Variants in SLC4A5 observed in about 807,000 individuals in gnomAD.
SLC4A5 encodes the protein electrogenic sodium bicarbonate cotransporter 4.
In SLC4A5, 96 loss-of-function variants were observed where a neutral mutation model predicts 120.4. The ratio of observed to expected loss-of-function variants is 0.80; its 90% CI spans 0.68 to 0.94. The LOEUF (loss-of-function observed/expected upper bound fraction) is 0.94, where lower values mean the gene tolerates loss of function less well. Ranked by LOEUF, SLC4A5 falls within the 40% of genes least tolerant of loss-of-function variation. SLC4A5 has a pLI of 0.00. For missense variants in SLC4A5, 1,259 were observed against 1,459.5 expected (o/e 0.86, Z 2.24); for synonymous variants, 550 against 571.1 (o/e 0.96, Z 0.53).
chr2:74,242,287 C>T (rs1457503066), intron 19 of SLC4A5, among the ~76,000 whole-genome samples: 5 of 152,168 alleles, frequency 3.3e-5, no homozygotes, highest in Non-Finnish European at 7.3e-5. Context: ...TGCCTGACCA[C>T]GAACAGCTGG....
chr2:74,224,858 G>T lies in SLC4A5; in HGVS notation c.3228C>A (p.His1076Gln). ...TCCCCACCTCCTCATCACAGTCCTCGTGGGCCCCTTTTTTTCTCTTCCTCT... is the reference window on the plus strand; with the variant it reads ...TCCCCACCTCCTCATCACAGTCCTCTTGGGCCCCTTTTTTTCTCTTCCTCT... The change falls in exon 28 of 31, where the codon CAC (histidine) becomes CAA (glutamine). Residue 1076 changes from histidine to glutamine, a missense_variant. By Grantham distance (24) the His-to-Gln change is conservative. Transcript: ENST00000394019. 2.5e-6 allele frequency: 4 copies of T among 1,612,434 alleles called. No individual in the cohort carries two copies. The South Asian group carries it at 3.3e-5, about 13-fold the overall frequency.
At chr2:74,290,598 GAGAC>G (rs1672128107) in intron 7 of SLC4A5, 7 of 975,286 alleles carry the variant, frequency 7.2e-6, no homozygotes, top group Non-Finnish European at 8.5e-6. Flanking sequence ...GAGAGAGAGA[GAGAC>G]AGAGAGAGAG....
chr2:74,252,497 C>T, intron 15 of SLC4A5, 109 bp from the exon 16 acceptor site: 1 of 1,351,378 alleles, frequency 7.4e-7, no homozygotes, highest in Admixed American at 2.1e-5. Flanking sequence ...AGAAAATTGT[C>T]TAACAATATC....
At chr2:74,296,599 C>T (rs1672333411) in intron 7 of SLC4A5, among the ~76,000 whole-genome samples, 1 of 140,892 alleles carries the variant, frequency 7.1e-6, no homozygotes, top group East Asian at 2.0e-4. Flanking sequence ...TGGTGAAACC[C>T]GTCTCTACTA....
At chr2:74,265,195 T>C (rs1428447246) in exon 9 of SLC4A5, 10 of 1,614,106 alleles carry the variant, frequency 6.2e-6, no homozygotes, top group Admixed American at 3.3e-5. Flanking sequence ...TGTGCAGGGA[T>C]AGTGTGGACA....
chr2:74,242,034 T>C (rs1310827806), exon 20 of SLC4A5: 1 of 1,606,616 alleles, frequency 6.2e-7, no homozygotes, highest in Non-Finnish European at 8.5e-7. Context: ...GGCTGAAGCA[T>C]TGAACACGGT....
intron 24 of SLC4A5, among the ~76,000 whole-genome samples, chr2:74,232,134 G>A (rs542850042): frequency 2.0e-5 from 3 of 152,312 alleles, no homozygotes; most frequent in Non-Finnish European, 2.9e-5. Context: ...GTAGGGGCCT[G>A]GAGGGTCTTG....
chr2:74,300,568 T>G (rs997790455), intron 7 of SLC4A5, among the ~76,000 whole-genome samples: 1 of 152,244 alleles, frequency 6.6e-6, no homozygotes, highest in Admixed American at 6.5e-5. Flanking sequence ...CATTTAAGAC[T>G]CATGACAGGT....
intron 7 of SLC4A5, among the ~76,000 whole-genome samples, chr2:74,297,053 G>A (rs1439773237): frequency 6.6e-6 from 1 of 151,946 alleles, no homozygotes; most frequent in African/African-American, 2.4e-5. Flanking sequence ...TGATCTTTTG[G>A]TGATCCCAGC....
intron 4 of SLC4A5, among the ~76,000 whole-genome samples, chr2:74,332,757 G>C (rs1573113417): frequency 6.9e-6 from 1 of 144,624 alleles, no homozygotes; most frequent in African/African-American, 2.9e-5. Context: ...GCATGAAAGA[G>C]AGAGAGAGAT....
chr2:74,254,817 ATTTT>A (rs376191179), intron 13 of SLC4A5, 111 bp from the exon 14 acceptor site: 237 of 604,752 alleles, frequency 3.9e-4, no homozygotes, highest in East Asian at 5.0e-4. Context: ...AACAGTATGC[ATTTT>A]TTTTTTTTTT....
chr2:74,294,292 A>G (rs1468621732), intron 7 of SLC4A5, among the ~76,000 whole-genome samples: 1 of 152,250 alleles, frequency 6.6e-6, no homozygotes, highest in South Asian at 2.1e-4. Flanking sequence ...GGCCCCGAGC[A>G]TTATAAGACC....
At chr2:74,299,223 T>C (rs1283066463) in intron 7 of SLC4A5, among the ~76,000 whole-genome samples, 1 of 152,118 alleles carries the variant, frequency 6.6e-6, no homozygotes, top group Admixed American at 6.6e-5. Context: ...TGGTGGTGCA[T>C]GCATGTAATC....
chr2:74,252,331 G>A (rs1271316951), exon 16 of SLC4A5: 6 of 1,613,290 alleles, frequency 3.7e-6, no homozygotes, highest in African/African-American at 1.3e-5. Flanking sequence ...GAGCTCCGCC[G>A]CCTCCTCCCA....
chr2:74,279,253 C>A (rs1259874990), intron 8 of SLC4A5, among the ~76,000 whole-genome samples: 1 of 152,234 alleles, frequency 6.6e-6, no homozygotes, highest in Admixed American at 6.5e-5. Flanking sequence ...ACTTTTAACT[C>A]TTCTCAACTT....
chr2:74,283,089 A>G (rs1671865560), intron 8 of SLC4A5, among the ~76,000 whole-genome samples: 1 of 152,210 alleles, frequency 6.6e-6, no homozygotes, highest in African/African-American at 2.4e-5. Flanking sequence ...TTCCAGACCT[A>G]TGTTCTTCCC....
At chr2:74,280,168 A>G (rs1370940936) in intron 8 of SLC4A5, among the ~76,000 whole-genome samples, 1 of 152,076 alleles carries the variant, frequency 6.6e-6, no homozygotes, top group African/African-American at 2.4e-5. Context: ...TCTACAGTCC[A>G]GCCACAGGAA....
chr2:74,272,735 C>G (rs952230950), intron 8 of SLC4A5, among the ~76,000 whole-genome samples: 5 of 152,188 alleles, frequency 3.3e-5, no homozygotes, highest in Non-Finnish European at 7.3e-5. Flanking sequence ...AGAACTGAGG[C>G]CTTTTCTGTG....
At chr2:74,323,717 T>C (rs978094098) in intron 5 of SLC4A5, among the ~76,000 whole-genome samples, 15 of 152,152 alleles carry the variant, frequency 9.9e-5, no homozygotes, top group African/African-American at 3.6e-4. Context: ...AGGAATAAAA[T>C]GTGATCATGG....
Sources: allele counts gnomAD v4.1 joint callset (sites outside exome capture counted in the v4.1 genomes callset), GRCh38; gene constraint gnomAD v4.1.1; transcripts MANE v1.5; gene names NCBI Gene and HGNC (gene_info 2026-07-23, HGNC 2026-07-21).